The following IGF1R variants were observed in gnomAD, a reference collection of about 807,000 sequenced individuals.
IGF1R encodes insulin like growth factor 1 receptor, also known as insulin-like growth factor 1 receptor.
In IGF1R, 44 loss-of-function variants were observed where a neutral mutation model predicts 144.6. That is an observed-to-expected ratio of 0.30 (90% CI 0.24 to 0.39). IGF1R has a LOEUF of 0.39. IGF1R is among the 10% of genes least tolerant of loss of function. The pLI is 1.00. For synonymous variants in IGF1R, 795 were observed against 722.8 expected (o/e 1.10, Z -1.60); for missense variants, 1,355 against 1,833.7 (o/e 0.74, Z 4.77).
intron 1 of IGF1R, among the ~76,000 whole-genome samples, chr15:98,655,534 A>G (rs1352227978): frequency 1.3e-5 from 2 of 152,052 alleles, no homozygotes; most frequent in East Asian, 3.9e-4. Context: ...CATGTTGAGT[A>G]CTTACTGGAT....
intron 5 of IGF1R, among the ~76,000 whole-genome samples, chr15:98,906,868 C>T (rs2014757319): frequency 1.3e-5 from 2 of 152,236 alleles, no homozygotes; most frequent in East Asian, 3.8e-4. Flanking sequence ...TGTCTTTCGA[C>T]TCACTTGTGT....
chr15:98,727,566 T>C (rs1596240128), intron 2 of IGF1R, among the ~76,000 whole-genome samples: 1 of 92,870 alleles, frequency 1.1e-5, no homozygotes, highest in Non-Finnish European at 3.0e-5. Context: ...CTTGGGTGTC[T>C]CTGCAAGGCC....
chr15:98,656,361 C>A (rs915909001), intron 1 of IGF1R, among the ~76,000 whole-genome samples: 4 of 152,166 alleles, frequency 2.6e-5, no homozygotes, highest in African/African-American at 9.7e-5. Context: ...ACCAGCCTGG[C>A]CAACATGGTG....
intron 2 of IGF1R, among the ~76,000 whole-genome samples, chr15:98,743,380 C>T (rs369230575): frequency 1.3e-5 from 2 of 152,222 alleles, no homozygotes; most frequent in East Asian, 1.9e-4. Flanking sequence ...TCATTCATTA[C>T]GTGAATACCT....
chr15:98,891,000 C>T (rs1032755254), intron 2 of IGF1R, among the ~76,000 whole-genome samples: 2 of 152,118 alleles, frequency 1.3e-5, no homozygotes, highest in Non-Finnish European at 2.9e-5. Context: ...CCTGAGGCAA[C>T]CCTCAAATGT....
In IGF1R at chr15:98,913,029, T is replaced by G; in HGVS notation, c.1590-15T>G. ...TCAGAGCCCCGAACTTTCTCTGAACTTAATTGTCTTTCAGACCCTTTAAGA... is the reference window on the plus strand; with the variant it reads ...TCAGAGCCCCGAACTTTCTCTGAACGTAATTGTCTTTCAGACCCTTTAAGA... On this transcript the variant is annotated splice_polypyrimidine_tract_variant and intron_variant, in intron 7 of 20. Coordinates refer to ENST00000650285, the MANE Select transcript of IGF1R (RefSeq NM_000875.5). 1 of 1,598,416 alleles carries G rather than the reference T, an allele frequency of 6.3e-7. No individual in the cohort carries two copies.
intron 2 of IGF1R, among the ~76,000 whole-genome samples, chr15:98,760,344 T>A (rs1596277093): frequency 6.7e-6 from 1 of 149,434 alleles, no homozygotes. Flanking sequence ...AGAGAGAGAC[T>A]GCCTCAAAAA....
Position 98,964,362 on chromosome 15 carries a change from T to A in IGF1R, c.*6920T>A, listed in dbSNP as rs2017345207. The A allele has an allele frequency of 4.3e-6, 1 of 230,910 alleles. No individual in the cohort carries two copies. Among genetic ancestry groups the A allele is most frequent in the African/African-American group, 2.2e-5 (1 of 45,200 alleles). 14.3% of individuals were successfully genotyped at this position (230,910 alleles called of 1,614,324 possible). On this transcript the variant is annotated 3_prime_UTR_variant, in exon 21 of 21. Coordinates refer to ENST00000650285, the MANE Select transcript of IGF1R (RefSeq NM_000875.5). Reference sequence around the variant, plus strand: ...CAAAATGTTTTTGTATATTCTGTTGTAAGAATTTATTCCTGTTATTGCGAT... The same window carrying A: ...CAAAATGTTTTTGTATATTCTGTTGAAAGAATTTATTCCTGTTATTGCGAT...
intron 2 of IGF1R, among the ~76,000 whole-genome samples, chr15:98,888,932 A>T (rs995296251): frequency 6.6e-6 from 1 of 152,154 alleles, no homozygotes; most frequent in African/African-American, 2.4e-5. Context: ...TTGTGGTCCA[A>T]GGTTGGTACT....
At chr15:98,952,211 TGA>T (rs2016801640) in intron 20 of IGF1R, among the ~76,000 whole-genome samples, 2 of 151,904 alleles carry the variant, frequency 1.3e-5, no homozygotes, top group African/African-American at 4.8e-5. Context: ...TTACACCATG[TGA>T]GAGTCAATCA....
intron 2 of IGF1R, among the ~76,000 whole-genome samples, chr15:98,870,389 CAGAG>C (rs940557941): frequency 2.6e-5 from 4 of 152,150 alleles, no homozygotes; most frequent in African/African-American, 4.8e-5. Flanking sequence ...GGCACCTACT[CAGAG>C]AGGGCGGTCA....
At chr15:98,920,934 C>T (rs1040526335) in intron 10 of IGF1R, among the ~76,000 whole-genome samples, 5 of 152,172 alleles carry the variant, frequency 3.3e-5, no homozygotes, top group African/African-American at 7.2e-5. Flanking sequence ...GCCTGCCGAG[C>T]GTCAGCCGAA....
At chr15:98,909,794 C>G (rs2014921130) in intron 6 of IGF1R, among the ~76,000 whole-genome samples, 1 of 152,166 alleles carries the variant, frequency 6.6e-6, no homozygotes, top group East Asian at 1.9e-4. Context: ...AAATTGAGAA[C>G]AATATAATTA....
At chr15:98,661,206 G>C (rs983354555) in intron 1 of IGF1R, among the ~76,000 whole-genome samples, 1 of 152,158 alleles carries the variant, frequency 6.6e-6, no homozygotes. Flanking sequence ...ACTCCTGGGA[G>C]GGACAGTAGC....
intron 2 of IGF1R, among the ~76,000 whole-genome samples, chr15:98,712,177 C>T (rs187587869): frequency 2.0e-5 from 3 of 152,256 alleles, no homozygotes; most frequent in Non-Finnish European, 4.4e-5. Flanking sequence ...CTGGTAACTG[C>T]ATTGCCTCCT....
chr15:98,723,772 T>G (rs1482336842), intron 2 of IGF1R, among the ~76,000 whole-genome samples: 2 of 152,234 alleles, frequency 1.3e-5, no homozygotes, highest in Non-Finnish European at 2.9e-5. Flanking sequence ...GTGAGAAGCC[T>G]TCATTAGCAT....
chr15:98,932,186 A>G (rs1454229691), intron 15 of IGF1R, among the ~76,000 whole-genome samples: 1 of 152,202 alleles, frequency 6.6e-6, no homozygotes, highest in East Asian at 1.9e-4. Flanking sequence ...TTGGTACTTC[A>G]TTACAACAAA....
At chr15:98,819,537 G>A (rs1217930704) in intron 2 of IGF1R, among the ~76,000 whole-genome samples, 3 of 152,098 alleles carry the variant, frequency 2.0e-5, no homozygotes, top group South Asian at 4.1e-4. Flanking sequence ...ATCTGCCAGT[G>A]CCTTGATCTT....
intron 2 of IGF1R, among the ~76,000 whole-genome samples, chr15:98,852,264 C>G (rs1040887354): frequency 6.6e-6 from 1 of 152,102 alleles, no homozygotes; most frequent in African/African-American, 2.4e-5. Flanking sequence ...TTCCTGCTCT[C>G]CCCTCCGAGG....
Sources: allele counts gnomAD v4.1 joint callset (sites outside exome capture counted in the v4.1 genomes callset), GRCh38; gene constraint gnomAD v4.1.1; transcripts MANE v1.5; gene names NCBI Gene and HGNC (gene_info 2026-07-23, HGNC 2026-07-21).